GRM7: variants seen among roughly 807,000 people sequenced by gnomAD.
GRM7 encodes glutamate metabotropic receptor 7.
A neutral mutation model predicts 84.5 loss-of-function variants in GRM7; 35 were observed. The observed-to-expected ratio is 0.41, with a 90% confidence interval of 0.32 to 0.55. The LOEUF (loss-of-function observed/expected upper bound fraction) is 0.55, where lower values mean the gene tolerates loss of function less well. Ranked by LOEUF, GRM7 falls within the 20% of genes least tolerant of loss-of-function variation. The pLI, the probability that GRM7 is intolerant of heterozygous loss-of-function variation, is 0.19. For synonymous variants in GRM7, 487 were observed against 455.1 expected (o/e 1.07, Z -0.89); for missense variants, 1,003 against 1,194.6 (o/e 0.84, Z 2.36).
At chr3:7,221,618 C>A (rs1276568533) in intron 2 of GRM7, among the ~76,000 whole-genome samples, 1 of 151,450 alleles carries the variant, frequency 6.6e-6, no homozygotes, top group East Asian at 1.9e-4. Flanking sequence ...TGTATAGTTT[C>A]TTTTTTATAC....
chr3:7,074,807 T>A (rs1698006528), intron 1 of GRM7, among the ~76,000 whole-genome samples: 1 of 152,206 alleles, frequency 6.6e-6, no homozygotes, highest in Admixed American at 6.5e-5. Flanking sequence ...GGTTTTAATA[T>A]CTACCTAGTA....
intron 1 of GRM7, among the ~76,000 whole-genome samples, chr3:7,138,753 T>C (rs1422211120): frequency 6.6e-6 from 1 of 151,586 alleles, no homozygotes; most frequent in East Asian, 1.9e-4. Context: ...TGTAAATATA[T>C]GTTACCATAT....
chr3:7,643,492 A>G lies in GRM7; in HGVS notation c.2452-36557A>G, dbSNP rs1698461795. Among the ~76,000 whole-genome samples, 2 of 152,190 alleles carry G rather than the reference A, an allele frequency of 1.3e-5. 1 individual carries two copies. Among genetic ancestry groups the G allele is most frequent in the South Asian group, 4.1e-4 (2 of 4,830 alleles). On this transcript the variant is annotated intron_variant, in intron 8 of 9. Transcript: ENST00000357716. ...GTTGGAAATCCAGAGTTTTACATAA[A>G]AAGTTGAGACTTTAAAATGCTAGTC...
intron 9 of GRM7, among the ~76,000 whole-genome samples, chr3:7,725,345 T>C (rs1293098571): frequency 2.0e-5 from 3 of 152,188 alleles, no homozygotes; most frequent in Non-Finnish European, 2.9e-5. Flanking sequence ...CCACAGCCTC[T>C]TTTCCTCTCC....
intron 2 of GRM7, among the ~76,000 whole-genome samples, chr3:7,294,693 T>C (rs1045624704): frequency 2.6e-5 from 4 of 152,152 alleles, no homozygotes; most frequent in Non-Finnish European, 5.9e-5. Flanking sequence ...TGCAGCAGTT[T>C]CACCTAGAGC....
intron 8 of GRM7, among the ~76,000 whole-genome samples, chr3:7,652,824 A>G (rs958084113): frequency 1.3e-5 from 2 of 152,246 alleles, no homozygotes; most frequent in African/African-American, 4.8e-5. Flanking sequence ...AGCTGTATGC[A>G]TAACATCTAA....
At chr3:7,115,120 C>A (rs1405968663) in intron 1 of GRM7, among the ~76,000 whole-genome samples, 1 of 152,140 alleles carries the variant, frequency 6.6e-6, no homozygotes, top group Non-Finnish European at 1.5e-5. Context: ...CACAGAGAAA[C>A]TATGCCACTT....
intron 7 of GRM7, among the ~76,000 whole-genome samples, chr3:7,484,382 A>G (rs1699245148): frequency 6.6e-6 from 1 of 152,222 alleles, no homozygotes; most frequent in African/African-American, 2.4e-5. Flanking sequence ...GCTATCTTCT[A>G]AAAATCCATT....
chr3:7,721,384 G>C (rs1701942820), intron 9 of GRM7, among the ~76,000 whole-genome samples: 1 of 152,200 alleles, frequency 6.6e-6, no homozygotes, highest in Non-Finnish European at 1.5e-5. Flanking sequence ...GAGTCTGTTT[G>C]ATAACCAACC....
At chr3:7,022,341 TAAAA>T (rs1293592829) in intron 1 of GRM7, among the ~76,000 whole-genome samples, 232 of 126,944 alleles carry the variant, frequency 1.8e-3, no homozygotes, top group African/African-American at 8.0e-3. Flanking sequence ...AAAAAAATAA[TAAAA>T]TATATATATA....
intron 1 of GRM7, among the ~76,000 whole-genome samples, chr3:7,092,384 A>C (rs1054037010): frequency 5.9e-5 from 9 of 152,148 alleles, no homozygotes; most frequent in African/African-American, 2.2e-4. Flanking sequence ...TCTTGGTTTA[A>C]TCCAGGATCC....
At chr3:7,739,566 C>CA (rs1702621048) in intron 9 of GRM7, among the ~76,000 whole-genome samples, 1 of 152,140 alleles carries the variant, frequency 6.6e-6, no homozygotes, top group Non-Finnish European at 1.5e-5. Flanking sequence ...ACCAAAGGCA[C>CA]ACTCTGGGAT....
intron 2 of GRM7, among the ~76,000 whole-genome samples, chr3:7,261,522 A>G (rs982496021): frequency 2.6e-5 from 4 of 152,188 alleles, no homozygotes; most frequent in Non-Finnish European, 5.9e-5. Context: ...AGGACAGCAT[A>G]CTATGGAGTT....
At chr3:6,877,805 G>A (rs1695365962) in intron 1 of GRM7, among the ~76,000 whole-genome samples, 1 of 124,124 alleles carries the variant, frequency 8.1e-6, no homozygotes, top group African/African-American at 3.1e-5. Flanking sequence ...TACCTACACA[G>A]ATATCACACA....
chr3:7,503,445 C>G (rs1424565739), intron 7 of GRM7, among the ~76,000 whole-genome samples: 4 of 152,062 alleles, frequency 2.6e-5, no homozygotes, highest in Non-Finnish European at 5.9e-5. Flanking sequence ...TGTATCACAT[C>G]AAATGCAATA....
chr3:7,358,529 C>T (rs1693510346), intron 4 of GRM7, among the ~76,000 whole-genome samples: 1 of 148,448 alleles, frequency 6.7e-6, no homozygotes, highest in African/African-American at 2.6e-5. Flanking sequence ...TGTATTCTAT[C>T]ATTTTTTTCT....
intron 1 of GRM7, among the ~76,000 whole-genome samples, chr3:7,145,758 C>A (rs1368938559): frequency 1.3e-5 from 2 of 152,002 alleles, no homozygotes; most frequent in Non-Finnish European, 2.9e-5. Flanking sequence ...AAATCAGAGG[C>A]CCTTGTGGCC....
At chr3:7,001,233 C>T (rs1052496331) in intron 1 of GRM7, among the ~76,000 whole-genome samples, 2 of 152,006 alleles carry the variant, frequency 1.3e-5, no homozygotes, top group African/African-American at 4.8e-5. Context: ...GCCTGTTGTC[C>T]CAGCTACTTG....
At chr3:7,243,956 T>TA (rs1160209773) in intron 2 of GRM7, among the ~76,000 whole-genome samples, 2 of 151,972 alleles carry the variant, frequency 1.3e-5, no homozygotes, top group Non-Finnish European at 2.9e-5. Context: ...ATATAAAAAA[T>TA]AAAAAACAGT....
Sources: gnomAD v4.1 joint callset for allele counts (sites outside exome capture counted in the v4.1 genomes callset) on GRCh38, gnomAD v4.1.1 for gene constraint, MANE v1.5 for transcripts, NCBI Gene and HGNC (gene_info 2026-07-23, HGNC 2026-07-21) for gene names.